EPHA3: variants seen among roughly 807,000 people sequenced by gnomAD.
EPHA3 encodes EPH receptor A3.
A neutral mutation model predicts 107.1 loss-of-function variants in EPHA3; 42 were observed. The observed-to-expected ratio is 0.39, with a 90% CI of 0.31 to 0.51. The LOEUF (loss-of-function observed/expected upper bound fraction) is 0.51. EPHA3 is among the 20% of genes least tolerant of loss of function. The pLI is 0.78. For synonymous variants in EPHA3, 461 were observed against 424.8 expected (o/e 1.09, Z -1.05); for missense variants, 1,183 against 1,211.2 (o/e 0.98, Z 0.35).
intron 3 of EPHA3, among the ~76,000 whole-genome samples, chr3:89,332,809 G>A (rs1055229410): frequency 3.3e-5 from 5 of 152,090 alleles, no homozygotes; most frequent in African/African-American, 1.2e-4. Flanking sequence ...GGGAGCTAAC[G>A]TCTGAATACT....
At chr3:89,350,649 A>G (rs369715235) in intron 5 of EPHA3, among the ~76,000 whole-genome samples, 223 of 150,994 alleles carry the variant, frequency 1.5e-3, no homozygotes, top group African/African-American at 5.0e-3. Context: ...GCTTTGTTCC[A>G]TTGCTGGTGA....
chr3:89,292,920 C>G (rs898160780), intron 3 of EPHA3, among the ~76,000 whole-genome samples: 1 of 152,158 alleles, frequency 6.6e-6, no homozygotes, highest in African/African-American at 2.4e-5. Flanking sequence ...AAAATGTCGA[C>G]ATGTTTTCCA....
chr3:89,467,177 C>T (rs1710298496), intron 15 of EPHA3, among the ~76,000 whole-genome samples: 1 of 151,994 alleles, frequency 6.6e-6, no homozygotes, highest in Admixed American at 6.5e-5. Context: ...ATAAGATTTT[C>T]CCCCTGAAAT....
In EPHA3 at chr3:89,298,265, T is replaced by G. The variant is rs150397444; in HGVS notation, c.815-42651T>G. Among the ~76,000 whole-genome samples, 1,056 of 152,158 alleles carry G rather than the reference T, an allele frequency of 6.9e-3. 11 individuals carry two copies. Among genetic ancestry groups the G allele is most frequent in the South Asian group, 0.014 (66 of 4,818 alleles). On this transcript the variant is annotated intron_variant, in intron 3 of 16. Transcript: ENST00000336596. ...GAAGGGGAACTTTTGCAAATGGCCT[T>G]TCTCTCTCTCTGTGCAGCTTTCTTC...
At chr3:89,343,409 A>G (rs1707577423) in intron 5 of EPHA3, among the ~76,000 whole-genome samples, 1 of 152,136 alleles carries the variant, frequency 6.6e-6, no homozygotes, top group African/African-American at 2.4e-5. Flanking sequence ...TCTACTGGTT[A>G]ATTTCTCAAA....
At chr3:89,207,335 G>T (rs565322014) in intron 2 of EPHA3, among the ~76,000 whole-genome samples, 157 of 152,220 alleles carry the variant, frequency 1.0e-3, no homozygotes, top group Non-Finnish European at 1.9e-3. Flanking sequence ...TGCTGAAGGA[G>T]AAAAGGAGGG....
At chr3:89,446,800 T>C (rs1709885577) in intron 13 of EPHA3, among the ~76,000 whole-genome samples, 1 of 152,146 alleles carries the variant, frequency 6.6e-6, no homozygotes, top group Non-Finnish European at 1.5e-5. Flanking sequence ...TTATATACCT[T>C]CAGTAATACT....
At chr3:89,451,171 T>C (rs1226166282) in intron 15 of EPHA3, among the ~76,000 whole-genome samples, 1 of 152,210 alleles carries the variant, frequency 6.6e-6, no homozygotes, top group East Asian at 1.9e-4. Flanking sequence ...GTTAATACTC[T>C]GCAGCTGTAA....
At chr3:89,349,548 G>T (rs1220455923) in intron 5 of EPHA3, among the ~76,000 whole-genome samples, 2 of 148,896 alleles carry the variant, frequency 1.3e-5, no homozygotes, top group Admixed American at 1.3e-4. Flanking sequence ...ACAGCACACT[G>T]ATGGGTCTTG....
Position 89,149,745 on chromosome 3 carries a change from G to A in EPHA3, c.153+22472G>A, listed in dbSNP as rs188130732. Among the ~76,000 whole-genome samples the A allele has an allele frequency of 1.6e-3, 234 of 150,406 alleles. 2 individuals carry two copies. Among genetic ancestry groups the A allele is most frequent in the African/African-American group, 5.5e-3 (225 of 40,930 alleles). Reference sequence around the variant, plus strand: ...TTCCTGTGGAAAATATGAGTTGTGGGTATTTATCTTTATAATATTTAAAAA... The same window carrying A: ...TTCCTGTGGAAAATATGAGTTGTGGATATTTATCTTTATAATATTTAAAAA... On this transcript the variant is annotated intron_variant, in intron 2 of 16. Transcript: ENST00000336596.
chr3:89,305,655 T>C (rs768442474), intron 3 of EPHA3, among the ~76,000 whole-genome samples: 12 of 152,148 alleles, frequency 7.9e-5, no homozygotes, highest in Non-Finnish European at 1.6e-4. Flanking sequence ...ATAATATGTT[T>C]TCTGAACTAG....
intron 3 of EPHA3, among the ~76,000 whole-genome samples, chr3:89,244,433 A>C (rs1184135664): frequency 6.6e-6 from 1 of 152,088 alleles, no homozygotes; most frequent in Non-Finnish European, 1.5e-5. Flanking sequence ...TGTACATCCA[A>C]CATATTTAAA....
intron 2 of EPHA3, among the ~76,000 whole-genome samples, chr3:89,129,716 C>T (rs796393273): frequency 8.1e-5 from 12 of 147,614 alleles, no homozygotes; most frequent in East Asian, 4.1e-4. Context: ...CCTCTAGATT[C>T]AATTAATTAT....
chr3:89,260,302 G>T (rs1705384507), intron 3 of EPHA3, among the ~76,000 whole-genome samples: 2 of 152,068 alleles, frequency 1.3e-5, no homozygotes, highest in African/African-American at 4.8e-5. Context: ...TTCACCCACA[G>T]TATACTGGGG....
At chr3:89,323,368 G>T (rs539238181) in intron 3 of EPHA3, among the ~76,000 whole-genome samples, 1 of 152,042 alleles carries the variant, frequency 6.6e-6, no homozygotes, top group Non-Finnish European at 1.5e-5. Flanking sequence ...AACTTGTTCA[G>T]TTACATATAT....
At chr3:89,397,027 T>C (rs1268429927) in intron 6 of EPHA3, among the ~76,000 whole-genome samples, 1 of 152,200 alleles carries the variant, frequency 6.6e-6, no homozygotes, top group Non-Finnish European at 1.5e-5. Flanking sequence ...GGTACCTTTT[T>C]CTACATGATA....
At chr3:89,166,743 T>A (rs1705081482) in intron 2 of EPHA3, among the ~76,000 whole-genome samples, 1 of 152,200 alleles carries the variant, frequency 6.6e-6, no homozygotes, top group Admixed American at 6.5e-5. Context: ...TCTCAGAATA[T>A]TTTAGAATGA....
At chr3:89,266,012 G>T (rs965315137) in intron 3 of EPHA3, among the ~76,000 whole-genome samples, 1 of 152,054 alleles carries the variant, frequency 6.6e-6, no homozygotes, top group African/African-American at 2.4e-5. Flanking sequence ...CAGTCTGGCG[G>T]ACACTACCAG....
chr3:89,400,257 G>C (rs777866675), intron 7 of EPHA3: 4 of 219,728 alleles, frequency 1.8e-5, no homozygotes, highest in Non-Finnish European at 3.1e-5. Context: ...ACAGCAGAGC[G>C]ATCTCGGCTC....
Sources: allele counts gnomAD v4.1 joint callset (sites outside exome capture counted in the v4.1 genomes callset), GRCh38; gene constraint gnomAD v4.1.1; transcripts MANE v1.5; gene names NCBI Gene and HGNC (gene_info 2026-07-23, HGNC 2026-07-21).